LIPM: variants seen among roughly 807,000 people sequenced by gnomAD.
The protein encoded by LIPM is lipase family member M, also known as lipase member M.
In LIPM, 42 loss-of-function variants were observed where a neutral mutation model predicts 42.4. That is an observed-to-expected ratio of 0.99 (90% CI 0.77 to 1.28). The LOEUF (loss-of-function observed/expected upper bound fraction) is 1.28. LIPM is among the 50% of genes most tolerant of loss of function. The probability of loss-of-function intolerance (pLI) is 0.00; values close to 1 mark genes in which losing one functional copy is unlikely to be tolerated. For missense variants in LIPM, 524 were observed against 520.1 expected (o/e 1.01, Z -0.07); for synonymous variants, 177 against 173.3 (o/e 1.02, Z -0.17).
At chr10:88,804,356 T>C (rs749402503) in intron 1 of LIPM, among the ~76,000 whole-genome samples, 2 of 152,192 alleles carry the variant, frequency 1.3e-5, no homozygotes, top group African/African-American at 2.4e-5. Context: ...TTCAGGAGTC[T>C]GTAGACTAAA....
chr10:88,820,249 C>T lies in LIPM; in HGVS notation c.1020C>T (p.Tyr340=), dbSNP rs1385735810. Residue 340 remains tyrosine (Y), a synonymous_variant, in exon 9 of 9, where the codon TAC becomes TAT. Transcript: ENST00000404743. ...EKCNQPTPVR[Y]RVRDMTVPTA... ...TTCTCTAGCCAACTCCTGTAAGGTA[C>T]AGAGTCAGAGATATGACGGTCCCTA... The T allele has an allele frequency of 1.3e-6, 2 of 1,551,264 alleles. No individual in the cohort carries two copies. Among genetic ancestry groups the T allele is most frequent in the Non-Finnish European group, 1.7e-6 (2 of 1,146,934 alleles).
intron 3 of LIPM, among the ~76,000 whole-genome samples, chr10:88,813,569 A>G (rs1352728299): frequency 7.6e-6 from 1 of 131,320 alleles, no homozygotes; most frequent in Non-Finnish European, 1.7e-5. Context: ...GTGTAGATCA[A>G]TTTCCTCATG....
chr10:88,814,411 C>G, intron 3 of LIPM, 119 bp from the exon 4 acceptor site: 4 of 657,478 alleles, frequency 6.1e-6, no homozygotes, highest in Non-Finnish European at 1.1e-5. Flanking sequence ...GTGAGGGACA[C>G]GGTAACAAGC....
chr10:88,818,118 G>A (rs1038328126), intron 8 of LIPM, among the ~76,000 whole-genome samples: 8 of 152,192 alleles, frequency 5.3e-5, no homozygotes, highest in African/African-American at 1.7e-4. Context: ...AGCTGAGGCT[G>A]TCTCCCTAAA....
At chr10:88,813,499 T>C (rs1843679662) in intron 3 of LIPM, among the ~76,000 whole-genome samples, 1 of 152,044 alleles carries the variant, frequency 6.6e-6, no homozygotes, top group African/African-American at 2.4e-5. Context: ...AGAAGGTGGG[T>C]CTAGCTAATA....
At chr10:88,812,949 T>C (rs1243558497) in intron 2 of LIPM, 148 bp from the exon 3 acceptor site, 2 of 641,526 alleles carry the variant, frequency 3.1e-6, no homozygotes, top group Non-Finnish European at 5.4e-6. Context: ...ACACCAAAGG[T>C]CAAGTAATTG....
chr10:88,816,846 C>T lies in LIPM; in HGVS notation c.889C>T (p.Leu297Phe), dbSNP rs1564599008. Residue 297 changes from leucine (L) to phenylalanine (F), a missense_variant, in exon 7 of 9, where the codon CTT becomes TTT. Coordinates refer to ENST00000404743, the MANE Select transcript of LIPM (RefSeq NM_001128215.1). ...AGCAAGTGTATATGCTGCCCACACT[C>T]TTGCTGGAACATCTGTGCAAAATAT... ...SRASVYAAHT[L>F]AGTSVQNILH... is the part of the protein sequence containing the mutation. 1 of 1,551,544 alleles carries T rather than the reference C, an allele frequency of 6.4e-7. No homozygotes were observed. Among genetic ancestry groups the T allele is most frequent in the African/African-American group, 1.4e-5 (1 of 73,150 alleles).
intron 1 of LIPM, among the ~76,000 whole-genome samples, chr10:88,804,936 G>A (rs1843568045): frequency 6.6e-6 from 1 of 152,160 alleles, no homozygotes; most frequent in Non-Finnish European, 1.5e-5. Flanking sequence ...GCTCACCCTT[G>A]AATTCTTTCC....
In LIPM at chr10:88,813,265, C is replaced by T; in HGVS notation, c.434C>T (p.Ser145Phe). Reference sequence around the variant, plus strand: ...TGGTCTCGAAAACACAAGACACTCTCCATAGACCAAGATGAGTTCTGGGCT... The same window carrying T: ...TGGTCTCGAAAACACAAGACACTCTTCATAGACCAAGATGAGTTCTGGGCT... The part of the protein sequence containing the change: ...NAWSRKHKTL[S>F]IDQDEFWAFS... The change falls in exon 3 of 9, where the codon TCC becomes TTC. Residue 145 changes from serine (S) to phenylalanine (F), a missense_variant. Transcript: ENST00000404743. The T allele has an allele frequency of 6.2e-7, 1 of 1,610,236 alleles. No individual in the cohort carries two copies. The highest frequency in any genetic ancestry group is 8.5e-7 in the Non-Finnish European group (1 of 1,177,832).
At chr10:88,814,994 A>G in intron 4 of LIPM, 94 bp from the exon 5 acceptor site, 3 of 1,138,650 alleles carry the variant, frequency 2.6e-6, no homozygotes, top group Non-Finnish European at 3.7e-6. Flanking sequence ...AGTCACATAT[A>G]TACTTATTGA....
At chr10:88,816,119 C>T (rs188339524) in intron 6 of LIPM, among the ~76,000 whole-genome samples, 7 of 152,234 alleles carry the variant, frequency 4.6e-5, no homozygotes, top group Admixed American at 2.6e-4. Context: ...CCTTCAGAAC[C>T]GTCTCAAGTT....
intron 8 of LIPM, among the ~76,000 whole-genome samples, chr10:88,818,415 A>G (rs1192340428): frequency 6.6e-6 from 1 of 152,242 alleles, no homozygotes; most frequent in Non-Finnish European, 1.5e-5. Flanking sequence ...GAAAATCCAT[A>G]GGCATTCTCC....
At chr10:88,810,321 G>A (rs1302583470) in intron 2 of LIPM, among the ~76,000 whole-genome samples, 2 of 152,104 alleles carry the variant, frequency 1.3e-5, no homozygotes, top group African/African-American at 4.8e-5. Context: ...CTAAGCATGG[G>A]GGTCACCTGC....
At chr10:88,812,128 A>G (rs186519497) in intron 2 of LIPM, among the ~76,000 whole-genome samples, 1 of 152,232 alleles carries the variant, frequency 6.6e-6, no homozygotes, top group Admixed American at 6.5e-5. Flanking sequence ...CAGGGATTTA[A>G]TTTGCTTTAT....
intron 2 of LIPM, among the ~76,000 whole-genome samples, chr10:88,809,776 G>T (rs1167593461): frequency 2.0e-5 from 3 of 152,108 alleles, no homozygotes; most frequent in Non-Finnish European, 2.9e-5. Context: ...GTAGCTTTTT[G>T]AAACCACCTT....
chr10:88,816,874 T>C lies in LIPM; in HGVS notation c.917T>C (p.Leu306Pro). The C allele has an allele frequency of 6.4e-7, 1 of 1,551,348 alleles. No individual in the cohort carries two copies. The highest frequency in any genetic ancestry group is 8.7e-7 in the Non-Finnish European group (1 of 1,146,646). ...TLAGTSVQNI[L>P]HWSQAVNSGE... is the part of the protein sequence containing the mutation. ...GCTGGAACATCTGTGCAAAATATTCTACACTGGAGCCAGGTAAGAATGTTG... is the reference window on the plus strand; with the variant it reads ...GCTGGAACATCTGTGCAAAATATTCCACACTGGAGCCAGGTAAGAATGTTG... Residue 306 changes from leucine to proline, a missense_variant, in exon 7 of 9, where the codon CTA becomes CCA. By Grantham distance (98) the Leu-to-Pro change is moderately conservative. Transcript: ENST00000404743.
At chr10:88,806,302 C>T (rs1337945890) in intron 1 of LIPM, among the ~76,000 whole-genome samples, 1 of 152,164 alleles carries the variant, frequency 6.6e-6, no homozygotes, top group Non-Finnish European at 1.5e-5. Context: ...CCTCAAGGCC[C>T]AGTTCAAATT....
chr10:88,811,721 C>G (rs1160927530), intron 2 of LIPM, among the ~76,000 whole-genome samples: 1 of 152,028 alleles, frequency 6.6e-6, no homozygotes, highest in Non-Finnish European at 1.5e-5. Flanking sequence ...CAGTTTTACC[C>G]CATTTATTTT....
intron 1 of LIPM, among the ~76,000 whole-genome samples, chr10:88,806,947 C>A (rs1032431825): frequency 2.6e-5 from 4 of 152,112 alleles, no homozygotes; most frequent in Non-Finnish European, 4.4e-5. Context: ...CCTCAACCTC[C>A]CAAAGTGCTG....
Sources: gnomAD v4.1 joint callset for allele counts (sites outside exome capture counted in the v4.1 genomes callset) on GRCh38, gnomAD v4.1.1 for gene constraint, MANE v1.5 for transcripts, NCBI Gene and HGNC (gene_info 2026-07-23, HGNC 2026-07-21) for gene names.